Variants in FRMD6 observed in about 807,000 individuals in gnomAD.
The protein encoded by FRMD6 is FERM domain containing 6.
In FRMD6, 37 loss-of-function variants were observed where a neutral mutation model predicts 73.2. The ratio of observed to expected loss-of-function variants is 0.51; its 90% CI spans 0.39 to 0.66. The LOEUF (loss-of-function observed/expected upper bound fraction) is 0.66, where lower values mean the gene tolerates loss of function less well. FRMD6 is among the 30% of genes least tolerant of loss of function. The probability of loss-of-function intolerance (pLI) is 0.00; values close to 1 mark genes in which losing one functional copy is unlikely to be tolerated. For synonymous variants in FRMD6, 273 were observed against 282.2 expected (o/e 0.97, Z 0.33); for missense variants, 714 against 780.5 (o/e 0.91, Z 1.02).
intron 2 of FRMD6, among the ~76,000 whole-genome samples, chr14:51,612,834 A>C (rs189828769): frequency 3.5e-4 from 54 of 152,350 alleles, no homozygotes; most frequent in African/African-American, 1.2e-3. Flanking sequence ...AAGGACAAAA[A>C]GTCAGAGTCA....
At chr14:51,557,150 AGAAG>A (rs945300116) in intron 1 of FRMD6, among the ~76,000 whole-genome samples, 3 of 152,194 alleles carry the variant, frequency 2.0e-5, no homozygotes, top group African/African-American at 7.2e-5. Flanking sequence ...AAGAAAGGAA[AGAAG>A]GAAGGAAGGA....
intron 1 of FRMD6, among the ~76,000 whole-genome samples, chr14:51,499,385 A>G (rs1883477089): frequency 6.6e-6 from 1 of 152,230 alleles, no homozygotes; most frequent in Admixed American, 6.5e-5. Context: ...TGTGGTTTTG[A>G]TAGATTTCCA....
chr14:51,726,431 T>G (rs2140711513), intron 13 of FRMD6, among the ~76,000 whole-genome samples: 1 of 152,318 alleles, frequency 6.6e-6, no homozygotes, highest in African/African-American at 2.4e-5. Context: ...TCCTCCTGCC[T>G]TTCTTTCTTG....
intron 1 of FRMD6, among the ~76,000 whole-genome samples, chr14:51,493,652 A>T (rs544079657): frequency 3.3e-5 from 5 of 152,340 alleles, no homozygotes; most frequent in African/African-American, 1.2e-4. Flanking sequence ...TAGCAGTGTG[A>T]GAACTAATAC....
At chr14:51,452,350 T>C in the FRMD6 span, among the ~76,000 whole-genome samples, 3 of 152,150 alleles carry the variant, frequency 2.0e-5, no homozygotes, top group African/African-American at 7.2e-5. Context: ...AGTTTTAAGA[T>C]TGAGAGTCCC....
rs79665204 is a variant in FRMD6 at position 51,627,052 on chromosome 14, T to A, written c.-147+56642T>A. ...ACATGCCTAATGATCTGATATTTAG[T>A]CGATTCACACAATTTCTGATTTTTT... On this transcript the variant is annotated intron_variant, in intron 2 of 14. Coordinates refer to the FRMD6 transcript ENST00000356218. Among the ~76,000 whole-genome samples the A allele has an allele frequency of 3.4e-3, 525 of 152,328 alleles. 7 individuals are homozygous for A. The highest frequency in any genetic ancestry group is 0.034 in the East Asian group (178 of 5,182).
At chr14:51,455,177 A>G in the FRMD6 span, among the ~76,000 whole-genome samples, 1 of 152,246 alleles carries the variant, frequency 6.6e-6, no homozygotes, top group Non-Finnish European at 1.5e-5. Flanking sequence ...AAATATACTT[A>G]AATGCACCGG....
intron 2 of FRMD6, among the ~76,000 whole-genome samples, chr14:51,616,204 G>C (rs1030262894): frequency 6.6e-6 from 1 of 152,190 alleles, no homozygotes; most frequent in Non-Finnish European, 1.5e-5. Flanking sequence ...GAAGTGGGAG[G>C]TGATGTTATT....
chr14:51,542,949 A>G (rs112386132), intron 1 of FRMD6, among the ~76,000 whole-genome samples: 269 of 152,020 alleles, frequency 1.8e-3, no homozygotes, highest in African/African-American at 6.1e-3. Context: ...CCCTGTGCAC[A>G]TTTTTTAACT....
At chr14:51,695,510 G>A (rs899687538) in intron 2 of FRMD6, among the ~76,000 whole-genome samples, 2 of 152,108 alleles carry the variant, frequency 1.3e-5, no homozygotes, top group African/African-American at 4.8e-5. Context: ...GGGTGGGTTT[G>A]CATTTATACA....
intron 2 of FRMD6, among the ~76,000 whole-genome samples, chr14:51,601,512 G>T (rs1271705087): frequency 6.6e-6 from 1 of 152,124 alleles, no homozygotes; most frequent in Admixed American, 6.5e-5. Context: ...AAACTTCCAG[G>T]TTCAGTCATA....
intron 1 of FRMD6, among the ~76,000 whole-genome samples, chr14:51,549,162 G>C (rs890571627): frequency 1.3e-5 from 2 of 152,144 alleles, no homozygotes; most frequent in Admixed American, 6.5e-5. Flanking sequence ...ACCTAGCTCA[G>C]TGTATGAAAT....
intron 1 of FRMD6, among the ~76,000 whole-genome samples, chr14:51,506,595 G>A (rs1204315680): frequency 1.3e-5 from 2 of 152,154 alleles, no homozygotes; most frequent in Non-Finnish European, 2.9e-5. Flanking sequence ...CTGGATGCTT[G>A]GTATCCTGAT....
At chr14:51,489,610 A>G (rs1346948999) in intron 1 of FRMD6, among the ~76,000 whole-genome samples, 1 of 152,164 alleles carries the variant, frequency 6.6e-6, no homozygotes, top group Non-Finnish European at 1.5e-5. Context: ...CTCATGATTT[A>G]TTCTTTAGGG....
At chr14:51,702,935 TA>T (rs1896414068) in intron 5 of FRMD6, among the ~76,000 whole-genome samples, 2 of 152,008 alleles carry the variant, frequency 1.3e-5, no homozygotes, top group Non-Finnish European at 2.9e-5. Flanking sequence ...AGCACTTTTG[TA>T]AAGAGTGAGG....
chr14:51,427,091 G>A, the FRMD6 span, among the ~76,000 whole-genome samples: 33,005 of 152,162 alleles, frequency 0.22, 4,231 homozygotes, highest in East Asian at 0.5. Flanking sequence ...ATTGCTTTCT[G>A]AGACCTAGTA....
chr14:51,636,149 G>A (rs1324339393), intron 2 of FRMD6, among the ~76,000 whole-genome samples: 1 of 152,170 alleles, frequency 6.6e-6, no homozygotes, highest in Non-Finnish European at 1.5e-5. Flanking sequence ...CAAGATGGTG[G>A]ATCCCCGCCC....
intron 1 of FRMD6, among the ~76,000 whole-genome samples, chr14:51,543,537 A>G (rs1886307456): frequency 6.6e-6 from 1 of 152,038 alleles, no homozygotes; most frequent in African/African-American, 2.4e-5. Context: ...TCAAAAATTT[A>G]TTGAGCATCT....
chr14:51,673,109 G>A (rs1438420875), intron 1 of FRMD6, among the ~76,000 whole-genome samples: 1 of 152,130 alleles, frequency 6.6e-6, no homozygotes, highest in African/African-American at 2.4e-5. Context: ...TTGGCCTACT[G>A]AGGTGATATC....
Sources: allele counts gnomAD v4.1 joint callset (sites outside exome capture counted in the v4.1 genomes callset), GRCh38; gene constraint gnomAD v4.1.1; transcripts MANE v1.5; gene names NCBI Gene and HGNC (gene_info 2026-07-23, HGNC 2026-07-21).